The following CSMD1 variants were observed in gnomAD, a reference collection of about 807,000 sequenced individuals.
CSMD1 encodes the protein CUB and Sushi multiple domains 1, also known as CUB and sushi domain-containing protein 1.
Under a neutral mutation model 417.5 loss-of-function variants are expected in CSMD1, and 213 were observed. The observed-to-expected ratio is 0.51, with a 90% confidence interval of 0.46 to 0.57. CSMD1 has a LOEUF of 0.57. CSMD1 is among the 20% of genes least tolerant of loss of function. The pLI is 0.00. For synonymous variants in CSMD1, 2,862 were observed against 1,736.8 expected, an observed-to-expected ratio of 1.65 and a Z score of -16.11; for missense variants, 6,923 against 4,529.7, an observed-to-expected ratio of 1.53 and a Z score of -15.17.
chr8:3,454,459 C>T (rs949119270), intron 12 of CSMD1, among the ~76,000 whole-genome samples: 3 of 152,260 alleles, frequency 2.0e-5, no homozygotes, highest in South Asian at 4.2e-4. Context: ...ACCGGTTGTT[C>T]CTTTCCATGT....
chr8:3,930,391 C>T (rs1239148743), intron 5 of CSMD1, among the ~76,000 whole-genome samples: 1 of 150,580 alleles, frequency 6.6e-6, no homozygotes, highest in Non-Finnish European at 1.5e-5. Context: ...CAACTTAGCC[C>T]TGGCATGCTT....
chr8:3,166,367 C>T (rs1190683948), intron 37 of CSMD1, among the ~76,000 whole-genome samples: 3 of 151,988 alleles, frequency 2.0e-5, no homozygotes, highest in South Asian at 2.1e-4. Flanking sequence ...AACCCCGTCT[C>T]GACCACAAAT....
chr8:4,613,783 C>G lies in CSMD1; in HGVS notation c.302+23559G>C, dbSNP rs1046536954. Among the ~76,000 whole-genome samples, 5 of 151,648 alleles carry G rather than the reference C, an allele frequency of 3.3e-5. No homozygotes were observed. In the East Asian group the frequency reaches 9.7e-4, roughly 29 times the overall value. ...CTTTCTCTCACTGCTAACATCAAGA[C>G]CACCCAGGGACTGGGATTCACATGG... On this transcript the variant is annotated intron_variant, in intron 2 of 69. Transcript: ENST00000635120.
intron 1 of CSMD1, among the ~76,000 whole-genome samples, chr8:4,795,556 C>G (rs1013651979): frequency 1.3e-5 from 2 of 152,126 alleles, no homozygotes; most frequent in African/African-American, 4.8e-5. Context: ...GCCACCGCAC[C>G]CGGCCAGCTT....
At chr8:4,425,971 A>T (rs565224602) in intron 2 of CSMD1, among the ~76,000 whole-genome samples, 1 of 152,242 alleles carries the variant, frequency 6.6e-6, no homozygotes, top group East Asian at 1.9e-4. Flanking sequence ...AGAGAGGTAG[A>T]CATAGCCCAA....
chr8:3,072,598 A>T (rs1463434230), intron 49 of CSMD1, among the ~76,000 whole-genome samples: 1 of 152,238 alleles, frequency 6.6e-6, no homozygotes, highest in Non-Finnish European at 1.5e-5. Flanking sequence ...CCCAAATTAA[A>T]GAGCTGTTGG....
At position 4,765,041 on chromosome 8, in the gene CSMD1, G is replaced by A. The variant is rs17419121; in HGVS notation, c.86-127483C>T. On this transcript the variant is annotated intron_variant, in intron 1 of 69. Transcript: ENST00000635120. ...TTTAATTAAGCAACTGCATGTTTTC[G>A]CACCTATGTAGAGAGCTATCACACA... Among the ~76,000 whole-genome samples, 447 of 152,076 alleles carry A rather than the reference G, an allele frequency of 2.9e-3. 4 individuals carry two copies. Among genetic ancestry groups the A allele is most frequent in the African/African-American group, 0.01 (419 of 41,460 alleles).
At chr8:3,703,636 C>A (rs1280880303) in intron 7 of CSMD1, among the ~76,000 whole-genome samples, 1 of 152,158 alleles carries the variant, frequency 6.6e-6, no homozygotes, top group African/African-American at 2.4e-5. Context: ...AGAAAAATTT[C>A]ACTGGCCTAG....
intron 2 of CSMD1, among the ~76,000 whole-genome samples, chr8:4,437,615 G>A (rs1437867036): frequency 2.6e-5 from 4 of 152,174 alleles, no homozygotes; most frequent in African/African-American, 7.2e-5. Flanking sequence ...ATCAGCCTCT[G>A]TTCACCAAGC....
At chr8:3,125,811 T>C (rs1412027460) in intron 41 of CSMD1, among the ~76,000 whole-genome samples, 2 of 152,126 alleles carry the variant, frequency 1.3e-5, no homozygotes, top group African/African-American at 4.8e-5. Flanking sequence ...ATCCTATCTC[T>C]ACTAAAATTC....
At chr8:3,387,824 C>A in intron 17 of CSMD1, 142 bp from the exon 18 acceptor site, 1 of 670,482 alleles carries the variant, frequency 1.5e-6, no homozygotes, top group Non-Finnish European at 2.5e-6. Context: ...AATCCATGGA[C>A]ATAAAAGCCA....
chr8:3,523,582 C>T (rs116380364), intron 10 of CSMD1, among the ~76,000 whole-genome samples: 2,909 of 152,184 alleles, frequency 0.019, 71 homozygotes, highest in South Asian at 0.068. Flanking sequence ...CACATGTACA[C>T]ACAGACATAT....
chr8:4,581,125 A>G (rs1799396601), intron 2 of CSMD1, among the ~76,000 whole-genome samples: 2 of 151,244 alleles, frequency 1.3e-5, no homozygotes, highest in African/African-American at 4.9e-5. Flanking sequence ...AATGAACGGT[A>G]GAAAGAATCT....
chr8:3,326,505 G>A (rs1007449767), intron 23 of CSMD1, among the ~76,000 whole-genome samples: 1 of 152,166 alleles, frequency 6.6e-6, no homozygotes, highest in South Asian at 2.1e-4. Flanking sequence ...TCTCCTGAAT[G>A]TTGTCACGTT....
intron 1 of CSMD1, among the ~76,000 whole-genome samples, chr8:4,683,878 C>T (rs1806198521): frequency 6.6e-6 from 1 of 152,120 alleles, no homozygotes; most frequent in African/African-American, 2.4e-5. Context: ...CACTAATTGT[C>T]AAGAACTTTA....
intron 1 of CSMD1, among the ~76,000 whole-genome samples, chr8:4,865,787 C>G (rs1035126856): frequency 2.6e-5 from 4 of 151,822 alleles, no homozygotes; most frequent in African/African-American, 9.7e-5. Context: ...TCAATCTATG[C>G]ATTGCCCAGT....
At chr8:4,208,016 C>G (rs1800085178) in intron 3 of CSMD1, among the ~76,000 whole-genome samples, 1 of 152,020 alleles carries the variant, frequency 6.6e-6, no homozygotes, top group Non-Finnish European at 1.5e-5. Context: ...ACCTAAAAGT[C>G]CAACAGTAGG....
chr8:2,982,358 A>AAAAC (rs201652564), intron 54 of CSMD1, among the ~76,000 whole-genome samples: 2 of 152,142 alleles, frequency 1.3e-5, no homozygotes, highest in Admixed American at 6.5e-5. Context: ...TCTGTCTCAA[A>AAAAC]AAACAAACAA....
intron 50 of CSMD1, among the ~76,000 whole-genome samples, chr8:3,039,915 A>G (rs1210107135): frequency 3.3e-5 from 5 of 152,194 alleles, no homozygotes; most frequent in African/African-American, 2.4e-5. Flanking sequence ...TCTTCTAAAA[A>G]TTAATCTGGC....
Sources: allele counts gnomAD v4.1 joint callset (sites outside exome capture counted in the v4.1 genomes callset), GRCh38; gene constraint gnomAD v4.1.1; transcripts MANE v1.5; gene names NCBI Gene and HGNC (gene_info 2026-07-23, HGNC 2026-07-21).